Variants in PIAS2 observed in about 807,000 individuals in gnomAD.
The protein encoded by PIAS2 is protein inhibitor of activated STAT 2.
PIAS2 carries 19 observed loss-of-function variants against 69.7 expected under a neutral mutation model. The ratio of observed to expected loss-of-function variants is 0.27; its 90% CI spans 0.19 to 0.40. The LOEUF (loss-of-function observed/expected upper bound fraction) is 0.40. Among genes scored for constraint, PIAS2 ranks in the 10% least tolerant of loss-of-function variants. The pLI, the probability that PIAS2 is intolerant of heterozygous loss-of-function variation, is 1.00. For synonymous variants in PIAS2, 261 were observed against 263.2 expected, an observed-to-expected ratio of 0.99 and a Z score of 0.08; for missense variants, 624 against 757.0, an observed-to-expected ratio of 0.82 and a Z score of 2.06.
rs1262084304 is a variant in PIAS2 at position 46,803,667 on chromosome 18, C to T, written c.*8766G>A. Reference sequence around the variant, plus strand: ...TCTAATAATGATTTGGGTCAGGTGGCTAGCCATCACAGTGAGGATAAATTA... The same window carrying T: ...TCTAATAATGATTTGGGTCAGGTGGTTAGCCATCACAGTGAGGATAAATTA... On this transcript the variant is annotated 3_prime_UTR_variant, in exon 14 of 14. Transcript: ENST00000585916. The T allele has an allele frequency of 6.6e-6, 1 of 152,162 alleles. No individual in the cohort carries two copies. Among genetic ancestry groups the T allele is most frequent in the Non-Finnish European group, 1.5e-5 (1 of 68,034 alleles). 9.4% of individuals were successfully genotyped at this position (152,162 alleles called of 1,614,324 possible).
intron 1 of PIAS2, among the ~76,000 whole-genome samples, chr18:46,900,666 A>G (rs1338076530): frequency 7.7e-6 from 1 of 130,062 alleles, no homozygotes; most frequent in Non-Finnish European, 1.7e-5. Flanking sequence ...ACAGAGTAAG[A>G]CCTCATCTGA....
At chr18:46,864,711 A>G (rs1476569587) in intron 2 of PIAS2, among the ~76,000 whole-genome samples, 3 of 151,608 alleles carry the variant, frequency 2.0e-5, no homozygotes, top group Non-Finnish European at 4.4e-5. Flanking sequence ...TGGAGGTTGC[A>G]GTGAGCCAAG....
chr18:46,869,477 A>G (rs2049997332), intron 2 of PIAS2, among the ~76,000 whole-genome samples: 1 of 152,178 alleles, frequency 6.6e-6, no homozygotes, highest in Non-Finnish European at 1.5e-5. Flanking sequence ...AATCTCTAAT[A>G]TAAGGAGGGA....
chr18:46,898,583 AC>A (rs1227078610), intron 1 of PIAS2, among the ~76,000 whole-genome samples: 1 of 152,236 alleles, frequency 6.6e-6, no homozygotes, highest in Admixed American at 6.5e-5. Flanking sequence ...TATATCAAAT[AC>A]ATTTTCAAAT....
chr18:46,865,056 T>C (rs1398164277), intron 2 of PIAS2, among the ~76,000 whole-genome samples: 1 of 152,180 alleles, frequency 6.6e-6, no homozygotes, highest in African/African-American at 2.4e-5. Flanking sequence ...AGTTAAAAAA[T>C]ATTGCTTAAT....
chr18:46,875,521 T>C (rs1344975493), intron 2 of PIAS2, among the ~76,000 whole-genome samples: 1 of 152,126 alleles, frequency 6.6e-6, no homozygotes, highest in Admixed American at 6.5e-5. Flanking sequence ...CCCATAAGAA[T>C]CTTCTCTCTG....
chr18:46,912,872 T>C (rs1568918071), intron 1 of PIAS2, among the ~76,000 whole-genome samples: 1 of 152,162 alleles, frequency 6.6e-6, no homozygotes, highest in South Asian at 2.1e-4. Context: ...TTGCTTTCAT[T>C]TAAAAAATAT....
At chr18:46,825,317 G>A (rs1327004693) in intron 11 of PIAS2, among the ~76,000 whole-genome samples, 1 of 152,174 alleles carries the variant, frequency 6.6e-6, no homozygotes, top group Non-Finnish European at 1.5e-5. Flanking sequence ...CTCTAACACA[G>A]AAAATATGAT....
chr18:46,876,283 A>T (rs567436178), intron 2 of PIAS2, among the ~76,000 whole-genome samples: 1 of 152,376 alleles, frequency 6.6e-6, no homozygotes, highest in South Asian at 2.1e-4. Context: ...TCACGTTTAT[A>T]TAGATGCCAC....
At chr18:46,863,959 G>C (rs568325626) in intron 3 of PIAS2, among the ~76,000 whole-genome samples, 1 of 152,234 alleles carries the variant, frequency 6.6e-6, no homozygotes, top group South Asian at 2.1e-4. Context: ...ACAGAGAAAA[G>C]GCCATCTGAG....
chr18:46,878,468 TA>T, intron 2 of PIAS2, among the ~76,000 whole-genome samples: 1 of 152,344 alleles, frequency 6.6e-6, no homozygotes, highest in Non-Finnish European at 1.5e-5. Context: ...TTAATGTGCC[TA>T]AATGTTAAAT....
rs139656287 is a variant in PIAS2, at chr18:46,818,355, A to C, written c.1648+2578T>G. The C allele has an allele frequency of 5.8e-4, 881 of 1,521,320 alleles. 4 individuals are homozygous for C. In the African/African-American group the frequency reaches 6.2e-3, roughly 11 times the overall value. The allele number at this position is 1,521,320 out of a possible 1,614,324, so 94.2% of individuals were successfully genotyped here. On this transcript the variant is annotated intron_variant, in intron 12 of 13. Transcript: ENST00000585916. ...AGCTGTTTTCCACTCCATAAATACA[A>C]ATTATTTGTTTTATTTTGTATTCAC... is the stretch of plus-strand genomic sequence containing the variant.
In PIAS2 at chr18:46,890,444, T is replaced by C. The variant is rs1173640544; in HGVS notation, c.499+136A>G. On this transcript the variant is annotated intron_variant, in intron 2 of 13. Transcript: ENST00000585916. Reference sequence around the variant, plus strand: ...AGATTTCAGTCATGGTTGCCGAATTTTTATCCGTATATTCAAACATTCGGC... The same window carrying C: ...AGATTTCAGTCATGGTTGCCGAATTCTTATCCGTATATTCAAACATTCGGC... 2.5e-5 allele frequency: 15 copies of C among 609,216 alleles called. 1 individual carries two copies. The highest frequency in any genetic ancestry group is 4.3e-5 in the Non-Finnish European group (15 of 351,042). The allele number at this position is 609,216 out of a possible 1,614,324, so 37.7% of individuals were successfully genotyped here.
upstream of PIAS2, among the ~76,000 whole-genome samples, chr18:46,919,445 C>T (rs1467507440): frequency 6.6e-6 from 1 of 151,614 alleles, no homozygotes; most frequent in Non-Finnish European, 1.5e-5. Context: ...GAGATAGCGC[C>T]ATTGCACTCC....
intron 2 of PIAS2, among the ~76,000 whole-genome samples, chr18:46,880,942 A>C (rs2052136725): frequency 6.6e-6 from 1 of 152,238 alleles, no homozygotes; most frequent in African/African-American, 2.4e-5. Context: ...ATATACAGCA[A>C]AGTTTTTCTA....
chr18:46,863,269 C>T (rs1442427189), intron 3 of PIAS2, among the ~76,000 whole-genome samples: 1 of 152,068 alleles, frequency 6.6e-6, no homozygotes, highest in Non-Finnish European at 1.5e-5. Flanking sequence ...AATGATAAAG[C>T]TTATGGTCAC....
chr18:46,874,014 G>A (rs2050777064), intron 2 of PIAS2, among the ~76,000 whole-genome samples: 2 of 152,188 alleles, frequency 1.3e-5, no homozygotes, highest in South Asian at 2.1e-4. Flanking sequence ...AATGTCTCAT[G>A]AGGGAGGTTT....
intron 5 of PIAS2, among the ~76,000 whole-genome samples, chr18:46,852,272 T>C (rs1008184999): frequency 7.9e-5 from 12 of 152,224 alleles, no homozygotes; most frequent in Admixed American, 1.3e-4. Context: ...AGCTGTTCTA[T>C]AGGACTTTAC....
At chr18:46,851,274 T>A (rs901081372) in intron 5 of PIAS2, among the ~76,000 whole-genome samples, 9 of 152,244 alleles carry the variant, frequency 5.9e-5, no homozygotes, top group African/African-American at 2.2e-4. Flanking sequence ...TGCTGCCAGC[T>A]GAATTACAGC....
Sources: gnomAD v4.1 joint callset for allele counts (sites outside exome capture counted in the v4.1 genomes callset) on GRCh38, gnomAD v4.1.1 for gene constraint, MANE v1.5 for transcripts, NCBI Gene and HGNC (gene_info 2026-07-23, HGNC 2026-07-21) for gene names.